The following ATP13A5 variants were observed in gnomAD, a reference collection of about 807,000 sequenced individuals.
ATP13A5 encodes the protein probable cation-transporting ATPase 13A5.
ATP13A5 carries 149 observed loss-of-function variants against 150.2 expected under a neutral mutation model. The ratio of observed to expected loss-of-function variants is 0.99; its 90% CI spans 0.87 to 1.14. The LOEUF is 1.14. Ranked by LOEUF, ATP13A5 falls within the 50% of genes most tolerant of loss-of-function variation. The pLI is 0.00. For synonymous variants in ATP13A5, 497 were observed against 522.2 expected, an observed-to-expected ratio of 0.95 and a Z score of 0.66; for missense variants, 1,383 against 1,449.3, an observed-to-expected ratio of 0.95 and a Z score of 0.74.
chr3:193,293,116 G>A (rs1301992424), intron 25 of ATP13A5, among the ~76,000 whole-genome samples: 2 of 152,004 alleles, frequency 1.3e-5, no homozygotes, highest in African/African-American at 4.8e-5. Context: ...TGACAGCATG[G>A]CACTGGAAAC....
chr3:193,343,440 C>G (rs547184103), intron 9 of ATP13A5, among the ~76,000 whole-genome samples: 1 of 152,148 alleles, frequency 6.6e-6, no homozygotes, highest in African/African-American at 2.4e-5. Flanking sequence ...CGTCTTTGCC[C>G]GGAGGTTCAA....
At chr3:193,333,708 G>A (rs753392831) in intron 11 of ATP13A5, 42 bp downstream of exon 11, 41 of 1,573,536 alleles carry the variant, frequency 2.6e-5, no homozygotes, top group Non-Finnish European at 3.5e-5. Flanking sequence ...CAAGCTCTTT[G>A]CAGAATCTAT....
intron 1 of ATP13A5, among the ~76,000 whole-genome samples, chr3:193,371,792 G>A (rs150238879): frequency 4.6e-4 from 70 of 152,234 alleles, no homozygotes; most frequent in African/African-American, 1.4e-3. Flanking sequence ...TGAGTCACCT[G>A]ATTAGGTCAG....
intron 1 of ATP13A5, among the ~76,000 whole-genome samples, chr3:193,371,212 G>T (rs768951634): frequency 6.6e-6 from 1 of 152,218 alleles, no homozygotes; most frequent in Non-Finnish European, 1.5e-5. Context: ...TGTAAAATAA[G>T]AGCATTGTTA....
intron 28 of ATP13A5, among the ~76,000 whole-genome samples, chr3:193,277,428 G>A (rs897069935): frequency 2.0e-5 from 3 of 152,140 alleles, no homozygotes; most frequent in Non-Finnish European, 4.4e-5. Context: ...TCCCACGGCT[G>A]CATCCATAGC....
At chr3:193,363,119 A>G (rs1488316806) in intron 3 of ATP13A5, 117 bp downstream of exon 3, 3 of 1,268,430 alleles carry the variant, frequency 2.4e-6, no homozygotes, top group Non-Finnish European at 2.2e-6. Context: ...ACTTTCTTTG[A>G]TACATAGCTG....
intron 1 of ATP13A5, among the ~76,000 whole-genome samples, chr3:193,369,338 G>C (rs1003718577): frequency 1.3e-5 from 2 of 152,082 alleles, no homozygotes; most frequent in Non-Finnish European, 2.9e-5. Flanking sequence ...GGCCAAGCAT[G>C]GTGGCTCATG....
intron 7 of ATP13A5, among the ~76,000 whole-genome samples, chr3:193,350,491 C>T (rs1210957690): frequency 6.6e-6 from 1 of 152,036 alleles, no homozygotes; most frequent in Admixed American, 6.6e-5. Context: ...TAGAATCAAA[C>T]CTAATTTTTT....
At chr3:193,365,626 C>T (rs144128825) in intron 1 of ATP13A5, among the ~76,000 whole-genome samples, 269 of 151,962 alleles carry the variant, frequency 1.8e-3, no homozygotes, top group African/African-American at 6.2e-3. Context: ...ATTCTTTTAC[C>T]GAGTTATTTA....
chr3:193,309,176 T>C (rs1378479380), intron 21 of ATP13A5, among the ~76,000 whole-genome samples: 2 of 152,188 alleles, frequency 1.3e-5, no homozygotes, highest in Non-Finnish European at 2.9e-5. Context: ...GGTAACTTGG[T>C]CATCTTTATT....
At chr3:193,304,730 G>GTTA (rs1327947422) in intron 23 of ATP13A5, among the ~76,000 whole-genome samples, 1 of 152,170 alleles carries the variant, frequency 6.6e-6, no homozygotes, top group African/African-American at 2.4e-5. Context: ...ATAAACGTCT[G>GTTA]TTAATGGCTT....
chr3:193,323,196 A>G (rs1249634706), intron 14 of ATP13A5: 1 of 152,146 alleles, frequency 6.6e-6, no homozygotes, highest in Non-Finnish European at 1.5e-5. Flanking sequence ...TCTGGTTTCC[A>G]CTCTGCCACT....
At chr3:193,315,311 T>C (rs1259006699) in intron 17 of ATP13A5, among the ~76,000 whole-genome samples, 1 of 152,138 alleles carries the variant, frequency 6.6e-6, no homozygotes, top group African/African-American at 2.4e-5. Context: ...TCTAAATCTG[T>C]TTTTTCCAGT....
At chr3:193,302,135 T>G (rs1345680944) in intron 23 of ATP13A5, among the ~76,000 whole-genome samples, 1 of 152,112 alleles carries the variant, frequency 6.6e-6, no homozygotes, top group Non-Finnish European at 1.5e-5. Flanking sequence ...GTGACCCACA[T>G]CCACTTCATT....
intron 23 of ATP13A5, among the ~76,000 whole-genome samples, chr3:193,302,849 G>A (rs542968906): frequency 6.6e-6 from 1 of 152,222 alleles, no homozygotes; most frequent in African/African-American, 2.4e-5. Context: ...AGTAAAATGA[G>A]CCTAACAGAG....
intron 11 of ATP13A5, among the ~76,000 whole-genome samples, chr3:193,332,078 C>T (rs1015437049): frequency 6.6e-6 from 1 of 152,076 alleles, no homozygotes; most frequent in Non-Finnish European, 1.5e-5. Context: ...ATTGTAGCTC[C>T]CCTAATTCCC....
intron 2 of ATP13A5, 131 bp from the exon 3 acceptor site, chr3:193,363,513 A>C: frequency 1.3e-6 from 1 of 792,722 alleles, no homozygotes; most frequent in Non-Finnish European, 1.9e-6. Flanking sequence ...AGAACTTAGT[A>C]GAAATGCAAA....
intron 3 of ATP13A5, 120 bp from the exon 4 acceptor site, chr3:193,362,757 CT>C: frequency 1.0e-5 from 1 of 95,976 alleles, no homozygotes; most frequent in Non-Finnish European, 2.1e-5. Context: ...TTCCTTCTTT[CT>C]TTCTTTCTTT....
rs140709549 is a variant in ATP13A5 at position 193,338,581 on chromosome 3, G to A, written c.944-3482C>T. 1.1e-4 allele frequency among the ~76,000 whole-genome samples: 16 copies of A among 152,348 alleles called. No homozygotes were observed. In the East Asian group the frequency reaches 2.7e-3, roughly 26 times the overall value. The stretch of plus-strand genomic sequence containing the variant: ...ACCAGCCTTGCATCCCAGGGATAAA[G>A]CCGACTTCATCATGGTGGATAAGCT... On this transcript the variant is annotated intron_variant, in intron 9 of 29. Coordinates refer to ENST00000342358, the MANE Select transcript of ATP13A5 (RefSeq NM_198505.4).
Sources: gnomAD v4.1 joint callset for allele counts (sites outside exome capture counted in the v4.1 genomes callset) on GRCh38, gnomAD v4.1.1 for gene constraint, MANE v1.5 for transcripts, NCBI Gene and HGNC (gene_info 2026-07-23, HGNC 2026-07-21) for gene names.